Variants in VPS13B observed in about 807,000 individuals in gnomAD.
VPS13B encodes intermembrane lipid transfer protein VPS13B.
Under a neutral mutation model 426.4 loss-of-function variants are expected in VPS13B, and 285 were observed. That is an observed-to-expected ratio of 0.67 (90% CI 0.61 to 0.74). The LOEUF is 0.74. Ranked by LOEUF, VPS13B falls within the 30% of genes least tolerant of loss-of-function variation. VPS13B has a pLI of 0.00. For synonymous variants in VPS13B, 1,676 were observed against 1,676.4 expected, an observed-to-expected ratio of 1.00 and a Z score of 0.01; for missense variants, 4,537 against 4,782.6, an observed-to-expected ratio of 0.95 and a Z score of 1.51.
intron 36 of VPS13B, among the ~76,000 whole-genome samples, chr8:99,708,774 A>G (rs1563875153): frequency 1.3e-5 from 2 of 152,008 alleles, no homozygotes; most frequent in East Asian, 3.9e-4. Flanking sequence ...TGTCCCACAT[A>G]TCATTTCTTC....
chr8:99,139,017 T>C (rs1029989233), intron 12 of VPS13B, among the ~76,000 whole-genome samples: 11 of 152,260 alleles, frequency 7.2e-5, no homozygotes, highest in African/African-American at 2.4e-4. Flanking sequence ...TGTTAACTTT[T>C]GGGTTTTTCA....
chr8:99,821,689 A>G (rs1257705135), intron 50 of VPS13B, among the ~76,000 whole-genome samples: 1 of 152,148 alleles, frequency 6.6e-6, no homozygotes, highest in Non-Finnish European at 1.5e-5. Context: ...GTGTCACATA[A>G]TTTATCCAAT....
intron 30 of VPS13B, among the ~76,000 whole-genome samples, chr8:99,537,493 A>G (rs941287055): frequency 1.3e-5 from 2 of 152,202 alleles, no homozygotes; most frequent in African/African-American, 2.4e-5. Context: ...TTAACCCTCA[A>G]AGAAGAAATT....
At chr8:99,402,784 C>T (rs1815109018) in intron 21 of VPS13B, among the ~76,000 whole-genome samples, 2 of 152,146 alleles carry the variant, frequency 1.3e-5, no homozygotes, top group Admixed American at 6.5e-5. Context: ...TGAAGTTGAA[C>T]AGCTCTTGAA....
chr8:99,143,074 T>C lies in VPS13B; in HGVS notation c.1752T>C (p.Phe584=). The C allele has an allele frequency of 6.2e-7, 1 of 1,614,072 alleles. No individual in the cohort carries two copies. The highest frequency in any genetic ancestry group is 2.2e-5 in the East Asian group (1 of 44,840). ...GCCTTGTTATAGGTCCTCTTGATTTTCGTTTGGATAGCAGTGCGGTGCATA... is the reference window on the plus strand; with the variant it reads ...GCCTTGTTATAGGTCCTCTTGATTTCCGTTTGGATAGCAGTGCGGTGCATA... ...TKSLVIGPLD[F]RLDSSAVHRI... Residue 584 remains phenylalanine, a synonymous_variant, in exon 13 of 62, where the codon TTT becomes TTC. Transcript: ENST00000357162.
intron 3 of VPS13B, among the ~76,000 whole-genome samples, chr8:99,078,668 G>T (rs1165592479): frequency 6.6e-6 from 1 of 152,142 alleles, no homozygotes; most frequent in African/African-American, 2.4e-5. Context: ...GGGTGCCAGA[G>T]GTAGAAGTGG....
intron 3 of VPS13B, among the ~76,000 whole-genome samples, chr8:99,058,146 T>C (rs1843982535): frequency 6.6e-6 from 1 of 152,116 alleles, no homozygotes; most frequent in Admixed American, 6.5e-5. Context: ...ATTCATGATT[T>C]ACTTTTTTCA....
intron 20 of VPS13B, among the ~76,000 whole-genome samples, chr8:99,385,386 A>C (rs1204715416): frequency 6.6e-6 from 1 of 152,198 alleles, no homozygotes; most frequent in African/African-American, 2.4e-5. Flanking sequence ...ACTTCAAGCT[A>C]GTTGATGGGA....
intron 3 of VPS13B, chr8:99,091,886 G>T: frequency 6.6e-6 from 1 of 152,344 alleles, no homozygotes; most frequent in Admixed American, 6.5e-5. Context: ...GAAGTTTGGT[G>T]CCACAGGGTT....
At chr8:99,537,524 C>T (rs1160076892) in intron 30 of VPS13B, among the ~76,000 whole-genome samples, 1 of 152,068 alleles carries the variant, frequency 6.6e-6, no homozygotes, top group Non-Finnish European at 1.5e-5. Flanking sequence ...GTTACAGTAC[C>T]TTATCAGTGG....
At chr8:99,498,916 C>G (rs761492421) in intron 25 of VPS13B, among the ~76,000 whole-genome samples, 4 of 152,014 alleles carry the variant, frequency 2.6e-5, no homozygotes, top group Non-Finnish European at 4.4e-5. Context: ...AGTGTTTAGC[C>G]CTTTGGGAAG....
At chr8:99,664,268 G>C (rs1336367883) in intron 35 of VPS13B, among the ~76,000 whole-genome samples, 1 of 151,484 alleles carries the variant, frequency 6.6e-6, no homozygotes, top group Non-Finnish European at 1.5e-5. Flanking sequence ...GCCTCCCAAA[G>C]TGCTGGGATT....
intron 19 of VPS13B, among the ~76,000 whole-genome samples, chr8:99,305,518 A>T (rs1353706851): frequency 2.0e-5 from 3 of 152,048 alleles, no homozygotes; most frequent in Admixed American, 2.0e-4. Context: ...AATCCCCCAG[A>T]TACTGAGGGA....
At chr8:99,128,279 T>C (rs1243333951) in intron 8 of VPS13B, among the ~76,000 whole-genome samples, 1 of 150,398 alleles carries the variant, frequency 6.6e-6, no homozygotes, top group East Asian at 2.0e-4. Context: ...CCCAGCTACT[T>C]GGGAGGCTGA....
chr8:99,624,369 T>C (rs1332518505), intron 33 of VPS13B, among the ~76,000 whole-genome samples: 1 of 152,162 alleles, frequency 6.6e-6, no homozygotes, highest in Non-Finnish European at 1.5e-5. Context: ...ACTGAGCTTG[T>C]GGCCTGATGA....
intron 6 of VPS13B, among the ~76,000 whole-genome samples, chr8:99,114,410 T>C (rs547972009): frequency 3.9e-4 from 59 of 152,334 alleles, no homozygotes; most frequent in African/African-American, 1.4e-3. Flanking sequence ...TCTTTATCCA[T>C]TTTTCTACTG....
At chr8:99,323,448 T>C (rs996290991) in intron 19 of VPS13B, among the ~76,000 whole-genome samples, 2 of 152,182 alleles carry the variant, frequency 1.3e-5, no homozygotes, top group African/African-American at 4.8e-5. Flanking sequence ...AAGAAAGAAC[T>C]CCTTCATTTT....
intron 17 of VPS13B, among the ~76,000 whole-genome samples, chr8:99,272,519 TATCATC>T (rs935552848): frequency 6.6e-6 from 1 of 152,104 alleles, no homozygotes; most frequent in Non-Finnish European, 1.5e-5. Flanking sequence ...TAATTGTCAT[TATCATC>T]ATCATCATCA....
intron 20 of VPS13B, among the ~76,000 whole-genome samples, chr8:99,387,056 A>C (rs1221365715): frequency 1.3e-5 from 2 of 152,236 alleles, no homozygotes; most frequent in African/African-American, 4.8e-5. Context: ...ATATGTCTCC[A>C]TACCTAAATC....
Sources: gnomAD v4.1 joint callset for allele counts (sites outside exome capture counted in the v4.1 genomes callset) on GRCh38, gnomAD v4.1.1 for gene constraint, MANE v1.5 for transcripts, NCBI Gene and HGNC (gene_info 2026-07-23, HGNC 2026-07-21) for gene names.